Variants in C7orf33 observed in about 807,000 individuals in gnomAD.
C7orf33 encodes the protein uncharacterized protein C7orf33.
In C7orf33, 15 loss-of-function variants were observed where a neutral mutation model predicts 13.4. The observed-to-expected ratio is 1.12, with a 90% CI of 0.75 to 1.72. C7orf33 has a LOEUF of 1.72. Ranked by LOEUF, C7orf33 falls within the 40% of genes most tolerant of loss-of-function variation. The pLI, the probability that C7orf33 is intolerant of heterozygous loss-of-function variation, is 0.00. For synonymous variants in C7orf33, 73 were observed against 83.2 expected (o/e 0.88, Z 0.67); for missense variants, 187 against 220.3 (o/e 0.85, Z 0.96).
At chr7:148,602,503 C>T (rs537781466) in intron 1 of C7orf33, among the ~76,000 whole-genome samples, 2 of 152,232 alleles carry the variant, frequency 1.3e-5, no homozygotes, top group Non-Finnish European at 2.9e-5. Flanking sequence ...GAGGCTGAGA[C>T]ATGAGAATTG....
chr7:148,591,819 G>T (rs555486887), intron 1 of C7orf33, among the ~76,000 whole-genome samples: 1 of 151,970 alleles, frequency 6.6e-6, no homozygotes, highest in African/African-American at 2.4e-5. Context: ...GTCCTCAAAC[G>T]ATCCTCCCAC....
intron 1 of C7orf33, among the ~76,000 whole-genome samples, chr7:148,601,940 G>T (rs1010501796): frequency 3.3e-5 from 5 of 151,772 alleles, no homozygotes; most frequent in African/African-American, 1.2e-4. Flanking sequence ...GTAGAGACAG[G>T]GTCTCACTAT....
intron 1 of C7orf33, among the ~76,000 whole-genome samples, chr7:148,592,668 C>G (rs1455169780): frequency 1.3e-5 from 2 of 151,886 alleles, no homozygotes; most frequent in Non-Finnish European, 2.9e-5. Flanking sequence ...GTGCACGCCA[C>G]CATGCCCAGC....
chr7:148,612,057 T>C (rs1019501456), intron 1 of C7orf33, among the ~76,000 whole-genome samples: 4 of 152,272 alleles, frequency 2.6e-5, no homozygotes, highest in African/African-American at 9.6e-5. Flanking sequence ...TTCATTATAA[T>C]GCCTGGTTTC....
At chr7:148,613,690 A>G (rs1344163936) in intron 1 of C7orf33, among the ~76,000 whole-genome samples, 1 of 152,232 alleles carries the variant, frequency 6.6e-6, no homozygotes, top group Non-Finnish European at 1.5e-5. Flanking sequence ...GCTAATGGGT[A>G]CAGGATTTCT....
chr7:148,599,119 T>G (rs1230276318), intron 1 of C7orf33, among the ~76,000 whole-genome samples: 1 of 151,926 alleles, frequency 6.6e-6, no homozygotes, highest in African/African-American at 2.4e-5. Context: ...CACCTACGCC[T>G]CCCAAAGTGC....
At chr7:148,611,409 C>T (rs764121818) in intron 1 of C7orf33, among the ~76,000 whole-genome samples, 2 of 152,240 alleles carry the variant, frequency 1.3e-5, no homozygotes, top group Non-Finnish European at 2.9e-5. Flanking sequence ...GACAGCAGAA[C>T]GATGCAGCAG....
At chr7:148,595,797 GC>G (rs1486654185) in intron 1 of C7orf33, among the ~76,000 whole-genome samples, 1 of 146,580 alleles carries the variant, frequency 6.8e-6, no homozygotes, top group Non-Finnish European at 1.5e-5. Flanking sequence ...TGCCTGGCCT[GC>G]TTGCTTCTTT....
intron 1 of C7orf33, among the ~76,000 whole-genome samples, chr7:148,595,030 A>C (rs1213083881): frequency 6.6e-6 from 1 of 151,838 alleles, no homozygotes; most frequent in Non-Finnish European, 1.5e-5. Context: ...ACCACCTAAC[A>C]ATGAGCACCA....
chr7:148,607,095 T>C (rs181416727), intron 1 of C7orf33, among the ~76,000 whole-genome samples: 1 of 152,154 alleles, frequency 6.6e-6, no homozygotes, highest in Admixed American at 6.5e-5. Context: ...CCAGCTTGTA[T>C]AGCATCTTCA....
chr7:148,615,346 GA>G lies in C7orf33; in HGVS notation c.482del (p.Lys161SerfsTer32), dbSNP rs867512895. 6.2e-7 allele frequency: 1 copy of G among 1,613,338 alleles called. No homozygotes were observed. Among genetic ancestry groups the G allele is most frequent in the South Asian group, 1.1e-5 (1 of 91,070 alleles). ...ATGTAGGTACGTGGGCATGAAGTAA[GA>G]AAGCTCCAGAATTCTGTTGAGGCCA... ...SYLNVRGHEV[R>X]KLQNSVEATR... is the part of the protein sequence containing the mutation. On this transcript the variant is annotated frameshift_variant, in exon 3 of 3. Coordinates refer to ENST00000307003, the MANE Select transcript of C7orf33 (RefSeq NM_145304.4). LOFTEE classifies it high-confidence loss of function.
At chr7:148,608,880 T>G (rs1796505966) in intron 1 of C7orf33, among the ~76,000 whole-genome samples, 1 of 152,172 alleles carries the variant, frequency 6.6e-6, no homozygotes, top group African/African-American at 2.4e-5. Context: ...CTTGTCCATT[T>G]GCTGTAAAAA....
intron 1 of C7orf33, among the ~76,000 whole-genome samples, chr7:148,613,762 A>G (rs1405351115): frequency 1.3e-5 from 2 of 152,226 alleles, no homozygotes; most frequent in East Asian, 3.8e-4. Flanking sequence ...TTCCTTGAAT[A>G]TACTGATAAC....
intron 1 of C7orf33, among the ~76,000 whole-genome samples, chr7:148,612,336 T>C (rs1319953895): frequency 2.0e-5 from 3 of 152,178 alleles, no homozygotes; most frequent in Non-Finnish European, 4.4e-5. Context: ...ATCTCTACCT[T>C]GAAGAGCTAG....
intron 2 of C7orf33, among the ~76,000 whole-genome samples, chr7:148,614,696 C>T (rs1179944513): frequency 6.6e-6 from 1 of 152,182 alleles, no homozygotes; most frequent in Non-Finnish European, 1.5e-5. Flanking sequence ...GGCTTCGGTC[C>T]TACGTGAGCC....
chr7:148,613,059 C>T (rs76221226), intron 1 of C7orf33, among the ~76,000 whole-genome samples: 4,575 of 152,174 alleles, frequency 0.03, 228 homozygotes, highest in African/African-American at 0.1. Flanking sequence ...ACCATCTTCA[C>T]CCTACTGTGC....
Position 148,608,951 on chromosome 7 carries a change from G to T in C7orf33, c.205-5091G>T, listed in dbSNP as rs568765508. 2.8e-3 allele frequency among the ~76,000 whole-genome samples: 427 copies of T among 152,314 alleles called. 1 individual carries two copies. Among genetic ancestry groups the T allele is most frequent in the African/African-American group, 9.8e-3 (406 of 41,574 alleles). Reference sequence around the variant, plus strand: ...CCTGCTAAGAATGCTGGGTGGAAAGGCCTCTTTTGGAAACATGGCTTTGCT... The same window carrying T: ...CCTGCTAAGAATGCTGGGTGGAAAGTCCTCTTTTGGAAACATGGCTTTGCT... On this transcript the variant is annotated intron_variant, in intron 1 of 2. Coordinates refer to ENST00000307003, the MANE Select transcript of C7orf33 (RefSeq NM_145304.4).
chr7:148,614,691 C>T (rs1005738567), intron 2 of C7orf33, among the ~76,000 whole-genome samples: 4 of 152,152 alleles, frequency 2.6e-5, no homozygotes, highest in Non-Finnish European at 5.9e-5. Flanking sequence ...GCTATGGCTT[C>T]GGTCCTACGT....
At chr7:148,611,848 C>T (rs34070159) in intron 1 of C7orf33, among the ~76,000 whole-genome samples, 15,639 of 152,302 alleles carry the variant, frequency 0.1, 1,044 homozygotes, top group Non-Finnish European at 0.15. Flanking sequence ...GCATTCATCC[C>T]GGCATCTGCA....
Sources: allele counts gnomAD v4.1 joint callset (sites outside exome capture counted in the v4.1 genomes callset), GRCh38; gene constraint gnomAD v4.1.1; transcripts MANE v1.5; gene names NCBI Gene and HGNC (gene_info 2026-07-23, HGNC 2026-07-21).